TRRAP: variants seen among roughly 807,000 people sequenced by gnomAD.
The protein encoded by TRRAP is transformation/transcription domain-associated protein.
In TRRAP, 41 loss-of-function variants were observed where a neutral mutation model predicts 438.8. That is an observed-to-expected ratio of 0.09 (90% CI 0.07 to 0.12). The LOEUF (loss-of-function observed/expected upper bound fraction) is 0.12, where lower values mean the gene tolerates loss of function less well. Among genes scored for constraint, TRRAP ranks in the 10% least tolerant of loss-of-function variants. The pLI is 1.00. For missense variants in TRRAP, 3,122 were observed against 5,055.1 expected, an observed-to-expected ratio of 0.62 and a Z score of 11.60; for synonymous variants, 1,994 against 1,962.9, an observed-to-expected ratio of 1.02 and a Z score of -0.42.
intron 33 of TRRAP, among the ~76,000 whole-genome samples, chr7:98,947,012 G>A (rs1791111787): frequency 6.6e-6 from 1 of 152,234 alleles, no homozygotes. Flanking sequence ...TTTGCCTTTT[G>A]GTGTAAAGAG....
chr7:98,946,665 ACACACATGCACACATAC>A (rs1400691784), intron 33 of TRRAP, among the ~76,000 whole-genome samples: 1 of 149,042 alleles, frequency 6.7e-6, no homozygotes, highest in Non-Finnish European at 1.5e-5. Context: ...TGCACACACA[ACACACATGCACACATAC>A]CACACATGCA....
chr7:99,004,495 C>A, intron 68 of TRRAP, 80 bp downstream of exon 68: 3 of 1,287,970 alleles, frequency 2.3e-6, no homozygotes, highest in South Asian at 1.4e-5. Context: ...CAGGGTGGAC[C>A]CTGTGGGGAA....
At chr7:98,899,625 T>G in intron 9 of TRRAP, 54 bp from the exon 10 acceptor site, 3 of 1,608,698 alleles carry the variant, frequency 1.9e-6, no homozygotes, top group Non-Finnish European at 2.6e-6. Flanking sequence ...TATGCCAGAT[T>G]TTGTCGCCAT....
Position 98,953,204 on chromosome 7 carries a change from C to T in TRRAP, c.5501C>T (p.Ser1834Leu), listed in dbSNP as rs782218687. 10 of 1,613,316 alleles carry T rather than the reference C, an allele frequency of 6.2e-6. No individual in the cohort carries two copies. The highest frequency in any genetic ancestry group is 1.3e-5 in the African/African-American group (1 of 74,896). ...GAGAAGCAGGCGGACATGCTGGACT[C>T]GCTGCGGATCTACCTGCTGCAGTAC... is the stretch of plus-strand genomic sequence containing the variant. Reference protein sequence around the residue: ...DPEKQADMLDSLRIYLLQYAT... With the variant: ...DPEKQADMLDLLRIYLLQYAT... Residue 1834 changes from serine to leucine, a missense_variant, in exon 40 of 73, where the codon TCG becomes TTG. By Grantham distance (145) the Ser-to-Leu change is moderately radical. Coordinates refer to ENST00000456197, the MANE Select transcript of TRRAP (RefSeq NM_001375524.1).
intron 40 of TRRAP, among the ~76,000 whole-genome samples, chr7:98,954,706 C>G (rs1791515698): frequency 3.3e-5 from 5 of 152,230 alleles, no homozygotes; most frequent in African/African-American, 1.2e-4. Context: ...ACTTGAGTGA[C>G]TGCAGCTGCC....
At chr7:98,910,028 T>C (rs1796994309) in intron 14 of TRRAP, 28 bp from the exon 15 acceptor site, 7 of 1,532,448 alleles carry the variant, frequency 4.6e-6, no homozygotes, top group Non-Finnish European at 6.1e-6. Context: ...TAATTCTGTC[T>C]TCCCTCTTGA....
intron 6 of TRRAP, among the ~76,000 whole-genome samples, chr7:98,894,156 T>C (rs1796091630): frequency 6.6e-6 from 1 of 152,252 alleles, no homozygotes; most frequent in South Asian, 2.1e-4. Flanking sequence ...GATGTACAAG[T>C]CATTGTATGT....
In TRRAP at chr7:99,012,382, G is replaced by T; in HGVS notation, c.*27G>T. 1 of 1,566,286 alleles carries T rather than the reference G, an allele frequency of 6.4e-7. No homozygotes were observed. The highest frequency in any genetic ancestry group is 1.8e-5 in the Admixed American group (1 of 54,736). ...TGTGGCCGCCACGGCCACCCGGAATGTGAAGGGCGCTCCGGGCTCTGAGCC... is the reference window on the plus strand; with the variant it reads ...TGTGGCCGCCACGGCCACCCGGAATTTGAAGGGCGCTCCGGGCTCTGAGCC... On this transcript the variant is annotated 3_prime_UTR_variant, in exon 73 of 73. Transcript: ENST00000456197. The surrounding 1 kb of genome is among the most constrained non-coding windows in gnomAD (Gnocchi z 5.9).
intron 39 of TRRAP, among the ~76,000 whole-genome samples, chr7:98,952,850 A>T (rs891679491): frequency 6.6e-6 from 1 of 152,160 alleles, no homozygotes; most frequent in African/African-American, 2.4e-5. Flanking sequence ...TTAACCTTTC[A>T]TCTGTAGCTC....
Position 98,897,823 on chromosome 7 carries a change from C to T in TRRAP, c.590C>T (p.Ala197Val). 1 of 1,613,996 alleles carries T rather than the reference C, an allele frequency of 6.2e-7. No individual in the cohort carries two copies. ...PEMVGMITTI[A>V]VKVNPEREDS... ...ATGGTTGGTATGATAACAACGATTG[C>T]TGTGAAAGTCAACCCGGAGCGTGAG... Residue 197 changes from alanine (A) to valine (V), a missense_variant, in exon 8 of 73, where the codon GCT becomes GTT. Physicochemically the swap from Ala to Val is moderately conservative, Grantham distance 64. Around this residue, in one of 24 missense-constraint regions of TRRAP, gnomAD observed 343 missense variants for 564.0 expected, o/e 0.61. Coordinates refer to ENST00000456197, the MANE Select transcript of TRRAP (RefSeq NM_001375524.1).
chr7:98,949,827 G>A lies in TRRAP; in HGVS notation c.5121G>A (p.Leu1707=), dbSNP rs782512732. 12 of 1,613,330 alleles carry A rather than the reference G, an allele frequency of 7.4e-6. No individual in the cohort carries two copies. The highest frequency in any genetic ancestry group is 1.0e-5 in the Non-Finnish European group (12 of 1,179,786). ...AGCCCAAGCTGCTGGCCTACTGCCT[G>A]CTGAACTACTGCAAGTGGGTGCCTC... ...WKEPKLLAYC[L]LNYCKRNYGD... Residue 1707 remains leucine (L), a synonymous_variant, in exon 37 of 73, where the codon CTG becomes CTA. Coordinates refer to ENST00000456197, the MANE Select transcript of TRRAP (RefSeq NM_001375524.1).
chr7:98,936,122 A>G (rs770074739), intron 28 of TRRAP, among the ~76,000 whole-genome samples: 13 of 152,376 alleles, frequency 8.5e-5, no homozygotes, highest in Non-Finnish European at 1.5e-4. Context: ...GTAGGAAAAT[A>G]GACTAGATCT....
At chr7:98,896,557 G>A (rs1796214967) in intron 7 of TRRAP, among the ~76,000 whole-genome samples, 1 of 152,036 alleles carries the variant, frequency 6.6e-6, no homozygotes, top group Non-Finnish European at 1.5e-5. Context: ...TTACAGGCGT[G>A]CGGCACCCAC....
chr7:98,985,095 A>G (rs759416087), intron 62 of TRRAP, 51 bp downstream of exon 62: 1 of 1,319,296 alleles, frequency 7.6e-7, no homozygotes, highest in Non-Finnish European at 1.1e-6. Context: ...CAGATTATTT[A>G]AAGTTATTTA....
chr7:98,962,519 G>GT, intron 47 of TRRAP, 92 bp downstream of exon 47: 1 of 1,595,832 alleles, frequency 6.3e-7, no homozygotes, highest in South Asian at 1.1e-5. Flanking sequence ...AAGGGCTCCG[G>GT]TTGTTGGGCA....
intron 31 of TRRAP, among the ~76,000 whole-genome samples, chr7:98,945,003 CT>C (rs1270625893): frequency 1.3e-5 from 2 of 152,172 alleles, no homozygotes; most frequent in African/African-American, 4.8e-5. Flanking sequence ...TGGGGTTTCA[CT>C]TTGTTGGCCA....
At chr7:98,968,494 A>C (rs1327688792) in intron 51 of TRRAP, among the ~76,000 whole-genome samples, 1 of 152,234 alleles carries the variant, frequency 6.6e-6, no homozygotes, top group African/African-American at 2.4e-5. Context: ...ATGGAAGGCA[A>C]GTCAGATGTT....
At chr7:98,969,006 G>A (rs160388) in intron 51 of TRRAP, among the ~76,000 whole-genome samples, 17,671 of 152,208 alleles carry the variant, frequency 0.12, 3,177 homozygotes, top group African/African-American at 0.39. Flanking sequence ...AAGAGTCCTC[G>A]ACTCCCTCCT....
chr7:98,955,175 G>T lies in TRRAP; in HGVS notation c.5808G>T (p.Pro1936=), dbSNP rs376165065. The change falls in exon 41 of 73, where the codon CCG becomes CCT. Residue 1936 remains proline, a synonymous_variant. Transcript: ENST00000456197. ...IVRQAMAILT[P]AVPARMEDGH... is the part of the protein sequence containing the mutation. ...GACAGGCGATGGCCATTCTGACCCCGGCGGTGCCGGCCAGGATGGAGGACG... is the reference window on the plus strand; with the variant it reads ...GACAGGCGATGGCCATTCTGACCCCTGCGGTGCCGGCCAGGATGGAGGACG... 3 of 1,614,078 alleles carry T rather than the reference G, an allele frequency of 1.9e-6. No individual in the cohort carries two copies. The African/African-American group carries it at 4.0e-5, about 22-fold the overall frequency.
Sources: allele counts gnomAD v4.1 joint callset (sites outside exome capture counted in the v4.1 genomes callset), GRCh38; gene constraint gnomAD v4.1.1; regional missense constraint gnomAD v4.1.1; non-coding constraint Gnocchi (gnomAD v3.1); transcripts MANE v1.5; gene names NCBI Gene and HGNC (gene_info 2026-07-23, HGNC 2026-07-21).